DDX10: variants seen among roughly 807,000 people sequenced by gnomAD.
The protein encoded by DDX10 is DEAD-box helicase 10, also known as probable ATP-dependent RNA helicase DDX10.
Under a neutral mutation model 104.3 loss-of-function variants are expected in DDX10, and 74 were observed. The observed-to-expected ratio is 0.71, with a 90% confidence interval of 0.59 to 0.86. The LOEUF is 0.86. Among genes scored for constraint, DDX10 ranks in the 40% least tolerant of loss-of-function variants. The probability of loss-of-function intolerance (pLI) is 0.00; values close to 1 mark genes in which losing one functional copy is unlikely to be tolerated. For synonymous variants in DDX10, 351 were observed against 353.4 expected (o/e 0.99, Z 0.08); for missense variants, 952 against 1,040.0 (o/e 0.92, Z 1.16).
At chr11:108,671,182 G>C (rs996581232) in intron 1 of DDX10, among the ~76,000 whole-genome samples, 4 of 152,082 alleles carry the variant, frequency 2.6e-5, no homozygotes, top group African/African-American at 7.2e-5. Flanking sequence ...TTATTTTTTT[G>C]AGGTAGAGTC....
At chr11:108,778,460 A>G (rs1258176894) in intron 13 of DDX10, among the ~76,000 whole-genome samples, 1 of 152,186 alleles carries the variant, frequency 6.6e-6, no homozygotes, top group Non-Finnish European at 1.5e-5. Context: ...TCTCTATTTA[A>G]TAAATGGTGC....
intron 16 of DDX10, among the ~76,000 whole-genome samples, chr11:108,867,096 G>A (rs1332542983): frequency 6.6e-6 from 1 of 152,140 alleles, no homozygotes; most frequent in African/African-American, 2.4e-5. Flanking sequence ...GGGGTCAAAT[G>A]TGCTAGGTTG....
At chr11:108,925,169 T>C (rs1230063921) in intron 17 of DDX10, among the ~76,000 whole-genome samples, 1 of 152,130 alleles carries the variant, frequency 6.6e-6, no homozygotes, top group East Asian at 1.9e-4. Flanking sequence ...GGAAAGGCAA[T>C]ATTTGTCTTA....
intron 12 of DDX10, among the ~76,000 whole-genome samples, chr11:108,722,313 G>T (rs547526743): frequency 6.6e-6 from 1 of 152,082 alleles, no homozygotes; most frequent in Non-Finnish European, 1.5e-5. Flanking sequence ...ATTTCCCTTC[G>T]ATCATTGAGA....
intron 15 of DDX10, among the ~76,000 whole-genome samples, chr11:108,848,323 C>T (rs1862746610): frequency 6.6e-6 from 1 of 152,130 alleles, no homozygotes; most frequent in Non-Finnish European, 1.5e-5. Context: ...ACTGGTCTGG[C>T]TCACATGGTC....
chr11:108,699,324 G>A (rs1201020278), intron 9 of DDX10, among the ~76,000 whole-genome samples: 1 of 152,158 alleles, frequency 6.6e-6, no homozygotes, highest in Non-Finnish European at 1.5e-5. Flanking sequence ...GCTTCTGTGG[G>A]TCAGGTACCC....
intron 15 of DDX10, among the ~76,000 whole-genome samples, chr11:108,845,676 G>A (rs973881335): frequency 1.3e-5 from 2 of 152,070 alleles, no homozygotes; most frequent in African/African-American, 4.8e-5. Context: ...AAAAAACTTC[G>A]TAAAACCTAT....
chr11:108,879,072 C>G (rs888957936), intron 16 of DDX10, among the ~76,000 whole-genome samples: 20 of 152,034 alleles, frequency 1.3e-4, no homozygotes, highest in Admixed American at 1.3e-3. Flanking sequence ...GGCGCGATCT[C>G]GGCTCACTGC....
intron 11 of DDX10, among the ~76,000 whole-genome samples, chr11:108,719,236 A>C (rs1380432449): frequency 3.3e-5 from 5 of 151,924 alleles, no homozygotes; most frequent in Non-Finnish European, 7.4e-5. Context: ...CAATATGTAA[A>C]ATTTTATTTA....
chr11:108,867,868 C>T (rs1591102575), intron 16 of DDX10, among the ~76,000 whole-genome samples: 1 of 152,148 alleles, frequency 6.6e-6, no homozygotes, highest in Non-Finnish European at 1.5e-5. Context: ...ACCCAGAGGG[C>T]ACTACTTTAT....
chr11:108,835,682 T>A (rs1385604769), intron 13 of DDX10, among the ~76,000 whole-genome samples: 2 of 152,174 alleles, frequency 1.3e-5, no homozygotes, highest in African/African-American at 4.8e-5. Context: ...TTTAAGTACT[T>A]CTTTTGAGGT....
chr11:108,888,817 C>T (rs77391619), intron 16 of DDX10, among the ~76,000 whole-genome samples: 3,360 of 151,822 alleles, frequency 0.022, 67 homozygotes, highest in Admixed American at 0.032. Flanking sequence ...TGAAAGCTAA[C>T]CAATAGACCC....
chr11:108,926,975 A>C (rs985488958), intron 17 of DDX10, among the ~76,000 whole-genome samples: 1 of 152,224 alleles, frequency 6.6e-6, no homozygotes, highest in Admixed American at 6.5e-5. Context: ...CTCAGGCGCT[A>C]AATTCTTGTC....
chr11:108,818,140 G>T (rs1038961957), intron 13 of DDX10, among the ~76,000 whole-genome samples: 1 of 152,156 alleles, frequency 6.6e-6, no homozygotes, highest in Non-Finnish European at 1.5e-5. Context: ...AGCGTTCCCT[G>T]CCCTCACCAG....
At chr11:108,765,143 T>A (rs1270938336) in intron 13 of DDX10, among the ~76,000 whole-genome samples, 1 of 152,204 alleles carries the variant, frequency 6.6e-6, no homozygotes, top group Admixed American at 6.5e-5. Context: ...TAACATTATT[T>A]TGCCAATTCC....
intron 15 of DDX10, among the ~76,000 whole-genome samples, chr11:108,845,972 T>A (rs1287088278): frequency 6.6e-6 from 1 of 152,218 alleles, no homozygotes; most frequent in Non-Finnish European, 1.5e-5. Flanking sequence ...TGTTTTTCCC[T>A]CATACTATTA....
At chr11:108,858,959 T>C (rs1862906256) in intron 16 of DDX10, among the ~76,000 whole-genome samples, 1 of 152,216 alleles carries the variant, frequency 6.6e-6, no homozygotes, top group Non-Finnish European at 1.5e-5. Context: ...TGCTCATAAA[T>C]ATTTGTTGAT....
intron 6 of DDX10, among the ~76,000 whole-genome samples, chr11:108,682,138 T>C (rs1245911851): frequency 6.6e-6 from 1 of 151,610 alleles, no homozygotes; most frequent in Non-Finnish European, 1.5e-5. Flanking sequence ...GGAGTCTTGC[T>C]CTGTCGCCCA....
chr11:108,677,236 G>A lies in DDX10; in HGVS notation c.530G>A (p.Gly177Asp), dbSNP rs1265650788. The A allele has an allele frequency of 6.2e-7, 1 of 1,612,894 alleles. No homozygotes were observed. Among genetic ancestry groups the A allele is most frequent in the South Asian group, 1.1e-5 (1 of 91,008 alleles). The stretch of plus-strand genomic sequence containing the variant: ...GACTTCTCAGCTGGTCTCATCATTG[G>A]TGGAAAGGTTTGTCCTTTTGTCTAT... ...NHDFSAGLII[G>D]GKDLKHEAER... Residue 177 changes from glycine (G) to aspartate (D), a missense_variant, in exon 4 of 18, where the codon GGT (glycine) becomes GAT (aspartate). By Grantham distance (94) the Gly-to-Asp change is moderately conservative. This residue lies in a region of DDX10 where 412 missense variants were observed against 479.2 expected (regional missense o/e 0.86). Transcript: ENST00000322536.
Sources: gnomAD v4.1 joint callset for allele counts (sites outside exome capture counted in the v4.1 genomes callset) on GRCh38, gnomAD v4.1.1 for gene constraint, gnomAD v4.1.1 regional missense constraint, MANE v1.5 for transcripts, NCBI Gene and HGNC (gene_info 2026-07-23, HGNC 2026-07-21) for gene names.